RCC1L: variants seen among roughly 807,000 people sequenced by gnomAD.
RCC1L encodes the protein RCC1-like G exchanging factor-like protein.
Under a neutral mutation model 58.6 loss-of-function variants are expected in RCC1L, and 46 were observed. The ratio of observed to expected loss-of-function variants is 0.79; its 90% CI spans 0.62 to 1.00. The LOEUF (loss-of-function observed/expected upper bound fraction) is 1.00. RCC1L is among the 50% of genes least tolerant of loss of function. The pLI is 0.00. For synonymous variants in RCC1L, 281 were observed against 262.9 expected, an observed-to-expected ratio of 1.07 and a Z score of -0.67; for missense variants, 636 against 623.6, an observed-to-expected ratio of 1.02 and a Z score of -0.21.
Position 75,061,201 on chromosome 7 carries a change from C to T in RCC1L, c.787+6G>A. ...TCACGACCCCAGTGCATGAAAAGAA[C>T]TCTACCTGTTTGCCCATCAGCACCC... is the stretch of plus-strand genomic sequence containing the variant. On this transcript the variant is annotated splice_donor_region_variant and intron_variant, in intron 6 of 10. Transcript: ENST00000610322. The T allele has an allele frequency of 6.2e-7, 1 of 1,613,260 alleles. No individual in the cohort carries two copies. Among genetic ancestry groups the T allele is most frequent in the South Asian group, 1.1e-5 (1 of 91,060 alleles).
intron 10 of RCC1L, among the ~76,000 whole-genome samples, chr7:75,049,986 G>A (rs1455169079): frequency 6.6e-6 from 1 of 152,182 alleles, no homozygotes; most frequent in Non-Finnish European, 1.5e-5. Flanking sequence ...AAGAGGACAG[G>A]GGTCGAGGCC....
At chr7:75,035,783 T>G (rs1249807395) in intron 10 of RCC1L, among the ~76,000 whole-genome samples, 5 of 151,790 alleles carry the variant, frequency 3.3e-5, no homozygotes, top group African/African-American at 1.2e-4. Context: ...AAGAGAATCA[T>G]TTGAGCCCAG....
At chr7:75,067,091 C>T (rs1208910650) in intron 2 of RCC1L, among the ~76,000 whole-genome samples, 4 of 151,960 alleles carry the variant, frequency 2.6e-5, no homozygotes, top group African/African-American at 7.2e-5. Context: ...CACCTGAGGT[C>T]AGGAGTTCGA....
chr7:75,055,455 GTC>G, intron 9 of RCC1L: 1 of 208,526 alleles, frequency 4.8e-6, no homozygotes, highest in East Asian at 1.2e-4. Flanking sequence ...CCACGGGACA[GTC>G]TGACAAATCG....
chr7:75,037,186 GTATT>G (rs1169671291), downstream of RCC1L, among the ~76,000 whole-genome samples: 16 of 152,060 alleles, frequency 1.1e-4, no homozygotes, highest in East Asian at 1.9e-4. Flanking sequence ...ATTTATTTAC[GTATT>G]TATTTATTTA....
At chr7:75,041,956 A>G (rs970482598), downstream of RCC1L, among the ~76,000 whole-genome samples, 18 of 152,088 alleles carry the variant, frequency 1.2e-4, no homozygotes, top group African/African-American at 4.3e-4. Flanking sequence ...GGTAGCTCAC[A>G]CCTATAATCC....
intron 2 of RCC1L, among the ~76,000 whole-genome samples, chr7:75,067,143 A>G (rs1314335502): frequency 6.6e-6 from 1 of 151,860 alleles, no homozygotes; most frequent in Non-Finnish European, 1.5e-5. Context: ...TCTATTTAAA[A>G]TACAAAAATT....
At chr7:75,040,423 G>A (rs1362455549), downstream of RCC1L, among the ~76,000 whole-genome samples, 5 of 152,160 alleles carry the variant, frequency 3.3e-5, no homozygotes, top group Non-Finnish European at 7.4e-5. Context: ...TCATGCCACT[G>A]CACTCCAGCC....
intron 10 of RCC1L, among the ~76,000 whole-genome samples, chr7:75,036,401 C>T (rs1030467629): frequency 1.8e-4 from 27 of 151,764 alleles, no homozygotes; most frequent in Non-Finnish European, 2.7e-4. Flanking sequence ...GATTTACAGG[C>T]GTGAGCCACC....
At chr7:75,046,825 C>T (rs1223211097) in intron 10 of RCC1L, among the ~76,000 whole-genome samples, 2 of 152,210 alleles carry the variant, frequency 1.3e-5, no homozygotes, top group Non-Finnish European at 2.9e-5. Flanking sequence ...CTAAAACGAA[C>T]GCCCACCAGG....
chr7:75,050,426 G>A (rs1332187650), intron 10 of RCC1L, among the ~76,000 whole-genome samples: 2 of 152,240 alleles, frequency 1.3e-5, no homozygotes, highest in African/African-American at 4.8e-5. Context: ...AGGGACCAGC[G>A]CTTTGCACAT....
chr7:75,073,354 G>A, intron 1 of RCC1L, 60 bp downstream of exon 1: 1 of 780,632 alleles, frequency 1.3e-6, no homozygotes, highest in Non-Finnish European at 1.8e-6. Flanking sequence ...CGAACAGGTC[G>A]AGGGAGGCCG....
chr7:75,031,480 CA>C lies in RCC1L; in HGVS notation c.1318-3402del, dbSNP rs1212272547. 5.9e-5 allele frequency among the ~76,000 whole-genome samples: 9 copies of C among 151,342 alleles called. No homozygotes were observed. The East Asian group carries it at 1.4e-3, about 23-fold the overall frequency. ...TTACCTAATGTTCCCCCAAAAAAGA[CA>C]GTATATTTTGTACTTTGTAAAGTGT... On this transcript the variant is annotated intron_variant, in intron 10 of 10. Transcript: ENST00000614461.
intron 1 of RCC1L, among the ~76,000 whole-genome samples, chr7:75,072,424 G>A (rs1806796752): frequency 6.6e-6 from 1 of 151,770 alleles, no homozygotes; most frequent in Admixed American, 6.6e-5. Flanking sequence ...GTATAAGGCA[G>A]ATGAGAAAGT....
chr7:75,069,729 A>C (rs1554445730), intron 2 of RCC1L, among the ~76,000 whole-genome samples: 3 of 151,720 alleles, frequency 2.0e-5, no homozygotes, highest in Non-Finnish European at 1.5e-5. Context: ...ATGCCCGGCT[A>C]ATTTTTTATA....
downstream of RCC1L, among the ~76,000 whole-genome samples, chr7:75,038,211 C>A (rs1805470853): frequency 6.6e-6 from 1 of 152,188 alleles, no homozygotes; most frequent in African/African-American, 2.4e-5. Context: ...GCCACTAGGT[C>A]AGTCCTGGTG....
At chr7:75,045,046 C>T (rs970378192) in intron 10 of RCC1L, among the ~76,000 whole-genome samples, 2 of 152,284 alleles carry the variant, frequency 1.3e-5, no homozygotes, top group Non-Finnish European at 2.9e-5. Context: ...GGCAGAGTCT[C>T]ACTTTGTTGC....
rs1554444823 is a variant in RCC1L, at chr7:75,064,542, TAACTC to T, written c.650+35_650+39del. 64 of 1,611,278 alleles carry T rather than the reference TAACTC, an allele frequency of 4.0e-5. No individual in the cohort carries two copies. The South Asian group carries it at 4.3e-4, about 11-fold the overall frequency. ...ATCTCCCTAGAAATGTTTTGACACT[TAACTC>T]AACATGGGGAAGGGTAGGCCTTTTA... On this transcript the variant is annotated intron_variant, in intron 4 of 10. Transcript: ENST00000610322.
downstream of RCC1L, among the ~76,000 whole-genome samples, chr7:75,040,280 C>T (rs1805523734): frequency 6.6e-6 from 1 of 152,088 alleles, no homozygotes; most frequent in African/African-American, 2.4e-5. Context: ...GCCAACATAA[C>T]AAAATTCCGT....
Sources: allele counts gnomAD v4.1 joint callset (sites outside exome capture counted in the v4.1 genomes callset), GRCh38; gene constraint gnomAD v4.1.1; transcripts MANE v1.5; gene names NCBI Gene and HGNC (gene_info 2026-07-23, HGNC 2026-07-21).